SLC4A10: variants seen among roughly 807,000 people sequenced by gnomAD.
SLC4A10 encodes the protein sodium-driven chloride bicarbonate exchanger.
A neutral mutation model predicts 137.7 loss-of-function variants in SLC4A10; 42 were observed. The ratio of observed to expected loss-of-function variants is 0.30; its 90% CI spans 0.24 to 0.39. The LOEUF (loss-of-function observed/expected upper bound fraction) is 0.39, where lower values mean the gene tolerates loss of function less well. Among genes scored for constraint, SLC4A10 ranks in the 10% least tolerant of loss-of-function variants. The pLI is 1.00. For synonymous variants in SLC4A10, 474 were observed against 464.1 expected (o/e 1.02, Z -0.27); for missense variants, 925 against 1,355.0 (o/e 0.68, Z 4.98).
intron 1 of SLC4A10, among the ~76,000 whole-genome samples, chr2:161,683,095 G>A (rs1277838769): frequency 6.6e-6 from 1 of 152,132 alleles, no homozygotes; most frequent in Admixed American, 6.6e-5. Context: ...GACTGACTAT[G>A]GAAGAGTGTG....
At chr2:161,933,426 C>T (rs1218115186) in intron 15 of SLC4A10, among the ~76,000 whole-genome samples, 4 of 151,130 alleles carry the variant, frequency 2.6e-5, no homozygotes, top group African/African-American at 4.9e-5. Flanking sequence ...TACAGGCTCT[C>T]ACTCTGTCAC....
chr2:161,742,544 G>A (rs1268163040), intron 1 of SLC4A10, among the ~76,000 whole-genome samples: 1 of 150,110 alleles, frequency 6.7e-6, no homozygotes, highest in East Asian at 2.0e-4. Flanking sequence ...GAGTTCAAGG[G>A]ATTCTCCTGC....
intron 15 of SLC4A10, among the ~76,000 whole-genome samples, chr2:161,913,826 A>T (rs1000316532): frequency 1.3e-5 from 2 of 152,172 alleles, no homozygotes; most frequent in Non-Finnish European, 2.9e-5. Context: ...GATTAATGTA[A>T]TGCTGGCCTT....
intron 15 of SLC4A10, among the ~76,000 whole-genome samples, chr2:161,916,170 T>C (rs1490724162): frequency 1.3e-5 from 2 of 152,198 alleles, no homozygotes; most frequent in South Asian, 2.1e-4. Flanking sequence ...GTGGCAGGCA[T>C]AGCAAACTAA....
At chr2:161,980,124 G>A (rs988115180) in intron 26 of SLC4A10, among the ~76,000 whole-genome samples, 59 of 152,254 alleles carry the variant, frequency 3.9e-4, no homozygotes, top group East Asian at 1.9e-4. Flanking sequence ...CAACTGCTAC[G>A]TTTTTTAAAC....
At chr2:161,946,344 G>C (rs1204082860) in intron 16 of SLC4A10, among the ~76,000 whole-genome samples, 1 of 152,010 alleles carries the variant, frequency 6.6e-6, no homozygotes, top group Non-Finnish European at 1.5e-5. Context: ...TTTACTAGTT[G>C]TTTGTTTTCA....
chr2:161,891,342 G>A (rs933754794), intron 10 of SLC4A10, among the ~76,000 whole-genome samples: 1 of 152,032 alleles, frequency 6.6e-6, no homozygotes. Flanking sequence ...ATATTGGCTT[G>A]CCTTGCTAGG....
At chr2:161,694,275 C>T (rs1019826812) in intron 1 of SLC4A10, among the ~76,000 whole-genome samples, 1 of 151,878 alleles carries the variant, frequency 6.6e-6, no homozygotes, top group African/African-American at 2.4e-5. Context: ...GATTGAGACA[C>T]CTTAACTCCC....
At chr2:161,760,840 C>T (rs2050179901) in intron 1 of SLC4A10, among the ~76,000 whole-genome samples, 1 of 151,678 alleles carries the variant, frequency 6.6e-6, no homozygotes, top group Admixed American at 6.6e-5. Flanking sequence ...CCCAATAGTA[C>T]ATAAGAATAT....
chr2:161,677,868 T>G (rs1271164757), intron 1 of SLC4A10, among the ~76,000 whole-genome samples: 1 of 152,158 alleles, frequency 6.6e-6, no homozygotes, highest in Admixed American at 6.6e-5. Context: ...TTTCTGTCTA[T>G]GATTCTTACC....
chr2:161,767,198 GTGTGTA>G (rs1455822857), intron 1 of SLC4A10, among the ~76,000 whole-genome samples: 1,331 of 106,244 alleles, frequency 0.013, 23 homozygotes, highest in African/African-American at 0.039. Context: ...GTGTGTGTGT[GTGTGTA>G]TATATATATA....
intron 1 of SLC4A10, among the ~76,000 whole-genome samples, chr2:161,626,891 C>A (rs1213660910): frequency 6.6e-6 from 1 of 152,080 alleles, no homozygotes; most frequent in Non-Finnish European, 1.5e-5. Context: ...GAGCTCTGGG[C>A]TCTGTTTTAG....
At chr2:161,825,938 A>G (rs1274901671) in intron 3 of SLC4A10, among the ~76,000 whole-genome samples, 3 of 152,224 alleles carry the variant, frequency 2.0e-5, no homozygotes, top group African/African-American at 7.2e-5. Context: ...AATTCTGCAT[A>G]TAATCTTATA....
At chr2:161,907,849 A>G (rs1684816399) in intron 15 of SLC4A10, among the ~76,000 whole-genome samples, 1 of 152,254 alleles carries the variant, frequency 6.6e-6, no homozygotes, top group South Asian at 2.1e-4. Flanking sequence ...TATAATTTTC[A>G]GTACACTGAT....
chr2:161,629,577 T>A (rs1007010902), intron 1 of SLC4A10, among the ~76,000 whole-genome samples: 2 of 151,854 alleles, frequency 1.3e-5, no homozygotes, highest in African/African-American at 4.8e-5. Flanking sequence ...AAGTCCACAG[T>A]TTGCATTAGG....
At chr2:161,907,353 C>T (rs1684687429) in intron 15 of SLC4A10, among the ~76,000 whole-genome samples, 1 of 152,164 alleles carries the variant, frequency 6.6e-6, no homozygotes, top group Non-Finnish European at 1.5e-5. Context: ...TTGATACACG[C>T]CTTTTCATTT....
chr2:161,871,380 T>C (rs1278252183), intron 6 of SLC4A10, among the ~76,000 whole-genome samples: 1 of 123,112 alleles, frequency 8.1e-6, no homozygotes, highest in African/African-American at 3.1e-5. Flanking sequence ...CAGAGTTGAG[T>C]TGTCTTTATT....
chr2:161,854,974 T>C lies in SLC4A10; in HGVS notation c.421T>C (p.Leu141=). 1.2e-6 allele frequency: 2 copies of C among 1,612,082 alleles called. No individual in the cohort carries two copies. Among genetic ancestry groups the C allele is most frequent in the Non-Finnish European group, 1.7e-6 (2 of 1,178,986 alleles). Residue 141 remains leucine, a synonymous_variant, in exon 5 of 27, where the codon TTG becomes CTG. Transcript: ENST00000446997. ...TGATAATATTTGTTTGTATAGGTGG[T>C]TGAAGTTTGAAGAAGATGTGGAAGA... is the stretch of plus-strand genomic sequence containing the variant. ...DAEWRETARW[L]KFEEDVEDGG...
At chr2:161,762,961 A>G (rs2050404028) in intron 1 of SLC4A10, among the ~76,000 whole-genome samples, 1 of 152,116 alleles carries the variant, frequency 6.6e-6, no homozygotes. Flanking sequence ...ATATTAATGA[A>G]GATACTAACC....
Sources: gnomAD v4.1 joint callset for allele counts (sites outside exome capture counted in the v4.1 genomes callset) on GRCh38, gnomAD v4.1.1 for gene constraint, MANE v1.5 for transcripts, NCBI Gene and HGNC (gene_info 2026-07-23, HGNC 2026-07-21) for gene names.